The following THSD7B variants were observed in gnomAD, a reference collection of about 807,000 sequenced individuals.
THSD7B encodes thrombospondin type 1 domain containing 7B.
Under a neutral mutation model 213.6 loss-of-function variants are expected in THSD7B, and 138 were observed. That is an observed-to-expected ratio of 0.65 (90% CI 0.56 to 0.74). The LOEUF is 0.74. THSD7B is among the 30% of genes least tolerant of loss of function. The pLI is 0.00. For synonymous variants in THSD7B, 742 were observed against 687.0 expected, an observed-to-expected ratio of 1.08 and a Z score of -1.25; for missense variants, 1,931 against 1,991.5, an observed-to-expected ratio of 0.97 and a Z score of 0.58.
chr2:137,409,352 A>T (rs931248555), intron 13 of THSD7B, among the ~76,000 whole-genome samples: 1 of 152,238 alleles, frequency 6.6e-6, no homozygotes, highest in East Asian at 1.9e-4. Flanking sequence ...ATCTTTATGC[A>T]TTTGAAGTGA....
intron 5 of THSD7B, among the ~76,000 whole-genome samples, chr2:137,119,730 CA>C (rs1688514307): frequency 6.6e-6 from 1 of 151,986 alleles, no homozygotes; most frequent in Admixed American, 6.6e-5. Context: ...GATTTTTAAA[CA>C]GAAAGGAAAT....
chr2:137,210,507 CTT>C (rs1681079872), intron 7 of THSD7B, among the ~76,000 whole-genome samples: 1 of 152,124 alleles, frequency 6.6e-6, no homozygotes, highest in Admixed American at 6.6e-5. Flanking sequence ...GTAGGAGACT[CTT>C]TTTTCTTTTC....
At chr2:137,225,308 G>A (rs1681471140) in intron 7 of THSD7B, among the ~76,000 whole-genome samples, 1 of 152,156 alleles carries the variant, frequency 6.6e-6, no homozygotes, top group Non-Finnish European at 1.5e-5. Flanking sequence ...CCATGATGCA[G>A]TTCCAAAATA....
chr2:137,363,158 G>A (rs1292986671), intron 12 of THSD7B, among the ~76,000 whole-genome samples: 1 of 152,108 alleles, frequency 6.6e-6, no homozygotes, highest in Non-Finnish European at 1.5e-5. Context: ...ACGAAATGAA[G>A]GCAGAAATAA....
At chr2:137,589,964 G>A (rs1681828894) in intron 17 of THSD7B, among the ~76,000 whole-genome samples, 1 of 152,108 alleles carries the variant, frequency 6.6e-6, no homozygotes, top group African/African-American at 2.4e-5. Context: ...GACCACATAA[G>A]CTGCCAGTTG....
At chr2:137,406,197 C>T (rs1686513016) in intron 13 of THSD7B, among the ~76,000 whole-genome samples, 1 of 152,166 alleles carries the variant, frequency 6.6e-6, no homozygotes, top group South Asian at 2.1e-4. Flanking sequence ...ACAGATCTAA[C>T]TGACATCATT....
intron 19 of THSD7B, among the ~76,000 whole-genome samples, chr2:137,620,301 T>C (rs888737960): frequency 1.3e-5 from 2 of 152,214 alleles, no homozygotes; most frequent in East Asian, 3.9e-4. Flanking sequence ...TGAAGTGTCT[T>C]TCTGGTTCCT....
At chr2:137,412,312 G>A (rs10928608) in intron 14 of THSD7B, among the ~76,000 whole-genome samples, 100,961 of 151,556 alleles carry the variant, frequency 0.67, 34,403 homozygotes, top group East Asian at 0.84. Context: ...AAGTTTTACC[G>A]TATAAAGGCC....
At chr2:137,313,289 G>A (rs1325608944) in intron 12 of THSD7B, among the ~76,000 whole-genome samples, 1 of 151,962 alleles carries the variant, frequency 6.6e-6, no homozygotes, top group South Asian at 2.1e-4. Context: ...TTTGATCTTT[G>A]TTGGTTTAAA....
At chr2:137,471,108 G>A (rs545098975) in intron 15 of THSD7B, among the ~76,000 whole-genome samples, 1 of 151,634 alleles carries the variant, frequency 6.6e-6, no homozygotes, top group South Asian at 2.1e-4. Context: ...TTTAATAGAG[G>A]CAGGGTTTTG....
At chr2:137,513,117 C>T (rs929003001) in intron 15 of THSD7B, among the ~76,000 whole-genome samples, 1 of 152,186 alleles carries the variant, frequency 6.6e-6, no homozygotes, top group African/African-American at 2.4e-5. Flanking sequence ...AACTCAGGTT[C>T]TCTAAGCCTT....
chr2:137,077,945 T>A (rs1301175399), intron 3 of THSD7B, among the ~76,000 whole-genome samples: 1 of 152,222 alleles, frequency 6.6e-6, no homozygotes, highest in Admixed American at 6.5e-5. Context: ...CTTCTAGGGT[T>A]TTTATGGTTT....
intron 21 of THSD7B, among the ~76,000 whole-genome samples, chr2:137,647,489 G>T (rs537964811): frequency 1.6e-5 from 2 of 123,208 alleles, no homozygotes; most frequent in Admixed American, 1.2e-4. Context: ...TCTCCCTCTT[G>T]TTTTGTCTCT....
intron 10 of THSD7B, among the ~76,000 whole-genome samples, chr2:137,255,410 T>C (rs1667297004): frequency 6.6e-6 from 1 of 152,078 alleles, no homozygotes; most frequent in Non-Finnish European, 1.5e-5. Context: ...GCCAAAGTCA[T>C]GATTTACATC....
intron 1 of THSD7B, among the ~76,000 whole-genome samples, chr2:136,873,021 T>TTAAAA (rs70975722): frequency 0.055 from 2,418 of 43,602 alleles, 175 homozygotes; most frequent in Admixed American, 0.075. Flanking sequence ...AGACTCCATC[T>TTAAAA]AAAAAAAAAA....
intron 4 of THSD7B, among the ~76,000 whole-genome samples, chr2:137,104,813 A>G (rs1041620428): frequency 5.3e-5 from 8 of 152,200 alleles, no homozygotes; most frequent in African/African-American, 1.9e-4. Flanking sequence ...TCTACAAGAA[A>G]TGGATAAATT....
chr2:136,971,633 A>AAATACAC (rs1428115624), intron 2 of THSD7B, among the ~76,000 whole-genome samples: 1 of 49,928 alleles, frequency 2.0e-5, no homozygotes, highest in Non-Finnish European at 5.1e-5. Context: ...GTTTAACAAC[A>AAATACAC]ACAAATACAC....
intron 12 of THSD7B, among the ~76,000 whole-genome samples, chr2:137,373,635 C>G (rs1381410400): frequency 6.6e-6 from 1 of 152,074 alleles, no homozygotes; most frequent in Non-Finnish European, 1.5e-5. Flanking sequence ...AAATTTTCTC[C>G]CATTTTGTAG....
intron 15 of THSD7B, among the ~76,000 whole-genome samples, chr2:137,562,387 G>A (rs892523078): frequency 6.6e-6 from 1 of 151,988 alleles, no homozygotes; most frequent in Non-Finnish European, 1.5e-5. Flanking sequence ...AAGGAGCAAT[G>A]CAATTGAAAT....
Sources: gnomAD v4.1 joint callset for allele counts (sites outside exome capture counted in the v4.1 genomes callset) on GRCh38, gnomAD v4.1.1 for gene constraint, MANE v1.5 for transcripts, NCBI Gene and HGNC (gene_info 2026-07-23, HGNC 2026-07-21) for gene names.